Variants in NBEA observed in about 807,000 individuals in gnomAD.
The protein encoded by NBEA is lysosomal-trafficking regulator 2.
NBEA carries 44 observed loss-of-function variants against 343.4 expected under a neutral mutation model. The observed-to-expected ratio is 0.13, with a 90% CI of 0.10 to 0.16. The LOEUF (loss-of-function observed/expected upper bound fraction) is 0.16, where lower values mean the gene tolerates loss of function less well. Ranked by LOEUF, NBEA falls within the 10% of genes least tolerant of loss-of-function variation. The pLI is 1.00. For synonymous variants in NBEA, 1,175 were observed against 1,238.7 expected (o/e 0.95, Z 1.08); for missense variants, 2,555 against 3,631.3 (o/e 0.70, Z 7.62).
In NBEA at chr13:35,334,331, A is replaced by G. The variant is rs149969329; in HGVS notation, c.5904-14777A>G. On this transcript the variant is annotated intron_variant, in intron 36 of 58. Coordinates refer to ENST00000379939, the MANE Select transcript of NBEA (RefSeq NM_001385012.1). ...GTCACCCAGGCTGGAGTGCAATGGC[A>G]TGATCTTAGCTCACTGCACCCTCCA... Among the ~76,000 whole-genome samples the G allele has an allele frequency of 9.9e-3, 1,503 of 152,232 alleles. 27 individuals carry two copies. Among genetic ancestry groups the G allele is most frequent in the African/African-American group, 0.034 (1,429 of 41,566 alleles).
chr13:35,253,845 G>GA (rs77048875), intron 34 of NBEA, among the ~76,000 whole-genome samples: 7,856 of 147,162 alleles, frequency 0.053, 402 homozygotes, highest in East Asian at 0.17. Flanking sequence ...GAAGTATTAA[G>GA]AAAAAAAAAA....
intron 44 of NBEA, among the ~76,000 whole-genome samples, chr13:35,560,674 A>G (rs2079817920): frequency 6.6e-6 from 1 of 152,166 alleles, no homozygotes; most frequent in Admixed American, 6.5e-5. Flanking sequence ...GGGCTGGGGT[A>G]ACCGTTCAAA....
chr13:35,574,565 A>G (rs12586083), intron 45 of NBEA, among the ~76,000 whole-genome samples: 43,172 of 151,646 alleles, frequency 0.28, 7,048 homozygotes, highest in African/African-American at 0.44. Context: ...CAAAGTTTTC[A>G]GTCCTATGTG....
intron 34 of NBEA, among the ~76,000 whole-genome samples, chr13:35,284,369 T>C (rs2035277076): frequency 1.3e-5 from 2 of 152,186 alleles, no homozygotes; most frequent in African/African-American, 4.8e-5. Flanking sequence ...CAGGGTTTTT[T>C]TTGTTAAAAT....
At chr13:35,504,023 A>C (rs139778617) in intron 41 of NBEA, among the ~76,000 whole-genome samples, 111 of 152,314 alleles carry the variant, frequency 7.3e-4, no homozygotes, top group Non-Finnish European at 1.2e-3. Context: ...TTTTACATGA[A>C]AGACCTGATA....
At chr13:35,093,036 A>T (rs2065165455) in intron 10 of NBEA, among the ~76,000 whole-genome samples, 1 of 152,074 alleles carries the variant, frequency 6.6e-6, no homozygotes, top group Non-Finnish European at 1.5e-5. Flanking sequence ...ACTTACTTGG[A>T]TGCCTCTCAG....
intron 1 of NBEA, among the ~76,000 whole-genome samples, chr13:35,026,113 A>T (rs1002737844): frequency 1.3e-5 from 2 of 152,056 alleles, no homozygotes; most frequent in African/African-American, 4.8e-5. Flanking sequence ...TTCTCATGAT[A>T]GTGAGTGAGT....
chr13:35,579,678 G>A (rs1156518714), intron 45 of NBEA, among the ~76,000 whole-genome samples: 1 of 151,852 alleles, frequency 6.6e-6, no homozygotes, highest in Non-Finnish European at 1.5e-5. Flanking sequence ...AATAAGCACT[G>A]GAATAAACAC....
intron 1 of NBEA, among the ~76,000 whole-genome samples, chr13:35,024,483 C>T (rs553407715): frequency 1.3e-5 from 2 of 151,976 alleles, no homozygotes; most frequent in Admixed American, 6.6e-5. Flanking sequence ...ACCAGCCAGA[C>T]CAACCTGGCG....
At chr13:34,951,356 A>T (rs567424542) in intron 1 of NBEA, among the ~76,000 whole-genome samples, 1 of 152,362 alleles carries the variant, frequency 6.6e-6, no homozygotes, top group East Asian at 1.9e-4. Context: ...ATAGATATAC[A>T]GGTTGTACAG....
rs112785840 is a variant in NBEA, at chr13:35,106,606, A to G, written c.1681-2684A>G. Among the ~76,000 whole-genome samples, 976 of 152,090 alleles carry G rather than the reference A, an allele frequency of 6.4e-3. 11 individuals are homozygous for G. The highest frequency in any genetic ancestry group is 0.022 in the African/African-American group (935 of 41,558). On this transcript the variant is annotated intron_variant, in intron 11 of 58. Transcript: ENST00000379939. ...TAACATGCTGTTGAAGAGAATATTCATTTATGCATTTATATACTATTTACA... is the reference window on the plus strand; with the variant it reads ...TAACATGCTGTTGAAGAGAATATTCGTTTATGCATTTATATACTATTTACA...
chr13:34,944,437 C>T (rs1298897502), intron 1 of NBEA, among the ~76,000 whole-genome samples: 2 of 152,152 alleles, frequency 1.3e-5, no homozygotes, highest in African/African-American at 2.4e-5. Flanking sequence ...GCTAGTGTGT[C>T]AGGTCAAAGG....
intron 34 of NBEA, among the ~76,000 whole-genome samples, chr13:35,271,530 C>T (rs2034150086): frequency 6.6e-6 from 1 of 152,144 alleles, no homozygotes; most frequent in East Asian, 1.9e-4. Context: ...CAGAAGTAGG[C>T]TTCAGAAGGT....
chr13:35,074,766 G>T (rs762985620), intron 10 of NBEA, among the ~76,000 whole-genome samples: 1 of 152,128 alleles, frequency 6.6e-6, no homozygotes. Context: ...GGTTACTATA[G>T]TGAAGCAAAT....
intron 28 of NBEA, among the ~76,000 whole-genome samples, chr13:35,178,373 G>A (rs749470986): frequency 2.6e-4 from 40 of 151,598 alleles, no homozygotes; most frequent in Admixed American, 4.6e-4. Flanking sequence ...TAAATATCCA[G>A]TAATAGAATT....
chr13:35,587,179 C>T (rs1212200452), intron 46 of NBEA, among the ~76,000 whole-genome samples: 1 of 151,860 alleles, frequency 6.6e-6, no homozygotes, highest in Non-Finnish European at 1.5e-5. Context: ...ATTTTAAAAC[C>T]TAGAAAAAAA....
intron 50 of NBEA, 127 bp downstream of exon 50, chr13:35,646,058 A>C: frequency 5.5e-6 from 4 of 725,494 alleles, no homozygotes; most frequent in Non-Finnish European, 9.2e-6. Flanking sequence ...GGTTAACTGA[A>C]GCATGTTTGG....
At chr13:35,345,392 A>T (rs993337962) in intron 36 of NBEA, among the ~76,000 whole-genome samples, 1 of 152,124 alleles carries the variant, frequency 6.6e-6, no homozygotes, top group Non-Finnish European at 1.5e-5. Flanking sequence ...AGAGACTGAT[A>T]AATACCAAGT....
At chr13:35,118,149 C>G in intron 14 of NBEA, 79 bp from the exon 15 acceptor site, 1 of 952,342 alleles carries the variant, frequency 1.1e-6, no homozygotes. Flanking sequence ...TTTTCTTTTA[C>G]AATGATTATT....
Sources: allele counts gnomAD v4.1 joint callset (sites outside exome capture counted in the v4.1 genomes callset), GRCh38; gene constraint gnomAD v4.1.1; transcripts MANE v1.5; gene names NCBI Gene and HGNC (gene_info 2026-07-23, HGNC 2026-07-21).